SSBP2: variants seen among roughly 807,000 people sequenced by gnomAD.
The protein encoded by SSBP2 is single stranded DNA binding protein 2.
Under a neutral mutation model 61.8 loss-of-function variants are expected in SSBP2, and 17 were observed. That is an observed-to-expected ratio of 0.28 (90% CI 0.19 to 0.41). SSBP2 has a LOEUF of 0.41. Ranked by LOEUF, SSBP2 falls within the 10% of genes least tolerant of loss-of-function variation. SSBP2 has a pLI of 1.00. For synonymous variants in SSBP2, 139 were observed against 141.3 expected, an observed-to-expected ratio of 0.98 and a Z score of 0.12; for missense variants, 310 against 458.7, an observed-to-expected ratio of 0.68 and a Z score of 2.96.
At chr5:81,550,651 C>CA (rs1772103031) in intron 4 of SSBP2, among the ~76,000 whole-genome samples, 1 of 152,184 alleles carries the variant, frequency 6.6e-6, no homozygotes, top group African/African-American at 2.4e-5. Flanking sequence ...TAAATCACAA[C>CA]ATGTCAACAA....
chr5:81,488,728 A>G (rs868134080), intron 6 of SSBP2, among the ~76,000 whole-genome samples: 2 of 101,498 alleles, frequency 2.0e-5, no homozygotes, highest in East Asian at 3.2e-4. Context: ...AACAGTCCCC[A>G]GTGTGTGATG....
chr5:81,607,599 C>A (rs917964361), intron 4 of SSBP2, among the ~76,000 whole-genome samples: 2 of 152,152 alleles, frequency 1.3e-5, no homozygotes, highest in East Asian at 3.8e-4. Context: ...ATTTCCCTAC[C>A]TATTAATCTA....
intron 4 of SSBP2, among the ~76,000 whole-genome samples, chr5:81,515,693 C>CT (rs1477841269): frequency 6.8e-6 from 1 of 147,046 alleles, no homozygotes; most frequent in African/African-American, 2.5e-5. Flanking sequence ...TTTTTTTTTT[C>CT]TTTTTTAGCA....
intron 4 of SSBP2, among the ~76,000 whole-genome samples, chr5:81,541,796 A>G (rs912172934): frequency 7.9e-5 from 12 of 152,256 alleles, no homozygotes; most frequent in Admixed American, 7.2e-4. Flanking sequence ...GTTTCAATGT[A>G]AAACCTCAAA....
At chr5:81,718,206 G>A (rs940688549) in intron 1 of SSBP2, among the ~76,000 whole-genome samples, 4 of 152,022 alleles carry the variant, frequency 2.6e-5, no homozygotes, top group African/African-American at 7.2e-5. Flanking sequence ...TGTATTTTAG[G>A]AATTGACATA....
intron 4 of SSBP2, among the ~76,000 whole-genome samples, chr5:81,530,108 C>CA (rs1332581331): frequency 7.2e-5 from 11 of 151,766 alleles, no homozygotes; most frequent in Non-Finnish European, 1.3e-4. Flanking sequence ...TTATGGTTTT[C>CA]AAAAAAACAG....
At chr5:81,648,983 T>C (rs1749504820) in intron 2 of SSBP2, among the ~76,000 whole-genome samples, 1 of 152,082 alleles carries the variant, frequency 6.6e-6, no homozygotes, top group African/African-American at 2.4e-5. Context: ...ACTTCACACA[T>C]ATAGCACTTC....
At chr5:81,454,048 A>T (rs1206429890) in intron 10 of SSBP2, among the ~76,000 whole-genome samples, 3 of 152,190 alleles carry the variant, frequency 2.0e-5, no homozygotes, top group Admixed American at 2.0e-4. Context: ...ATAAACTTCC[A>T]TTCATTACCT....
At chr5:81,599,944 T>G (rs1744175524) in intron 4 of SSBP2, among the ~76,000 whole-genome samples, 1 of 152,088 alleles carries the variant, frequency 6.6e-6, no homozygotes, top group African/African-American at 2.4e-5. Context: ...TAGGGCACAT[T>G]TTATTGTAAT....
intron 10 of SSBP2, among the ~76,000 whole-genome samples, chr5:81,454,716 AAG>A (rs763968154): frequency 4.6e-5 from 7 of 151,920 alleles, no homozygotes; most frequent in East Asian, 1.9e-4. Flanking sequence ...AAAAATAAAA[AAG>A]AGAGAGAGAG....
intron 9 of SSBP2, among the ~76,000 whole-genome samples, chr5:81,461,347 G>A (rs550851787): frequency 1.3e-5 from 2 of 151,906 alleles, no homozygotes; most frequent in South Asian, 4.2e-4. Flanking sequence ...ATATTAAATG[G>A]TTATTGTTAT....
At position 81,413,183 on chromosome 5, in the gene SSBP2, T is replaced by C. The variant is rs1761199713; in HGVS notation, c.*7321A>G. On this transcript the variant is annotated 3_prime_UTR_variant, in exon 17 of 17. Transcript: ENST00000320672. Reference sequence around the variant, plus strand: ...AACGTGCCAAATTAAGGGTCATTTATGTACATCTTTATGGCAACTTATCCC... The same window carrying C: ...AACGTGCCAAATTAAGGGTCATTTACGTACATCTTTATGGCAACTTATCCC... The C allele has an allele frequency of 2.0e-5, 3 of 152,234 alleles. No homozygotes were observed. Among genetic ancestry groups the C allele is most frequent in the South Asian group, 2.1e-4 (1 of 4,834 alleles). The allele number at this position is 152,234 out of a possible 1,614,324, so 9.4% of individuals were successfully genotyped here. A position where few individuals can be genotyped will look rare whatever the true frequency, so the allele number is the denominator to read the frequency against.
At chr5:81,727,572 A>G (rs1347496069) in intron 1 of SSBP2, among the ~76,000 whole-genome samples, 3 of 152,140 alleles carry the variant, frequency 2.0e-5, no homozygotes, top group Non-Finnish European at 4.4e-5. Flanking sequence ...CTCATGCAAC[A>G]TTCTTTAAAT....
intron 1 of SSBP2, among the ~76,000 whole-genome samples, chr5:81,657,481 TAA>T (rs1342882867): frequency 1.3e-5 from 2 of 152,122 alleles, no homozygotes; most frequent in African/African-American, 2.4e-5. Flanking sequence ...TATAAGGAAA[TAA>T]GAGTAATGGC....
chr5:81,708,826 G>GA (rs752308027), intron 1 of SSBP2, among the ~76,000 whole-genome samples: 4 of 151,938 alleles, frequency 2.6e-5, no homozygotes, highest in Non-Finnish European at 5.9e-5. Flanking sequence ...AAATACAGAA[G>GA]AAACAGTAAA....
At chr5:81,542,961 TCTC>T (rs1477304164) in intron 4 of SSBP2, among the ~76,000 whole-genome samples, 1 of 151,880 alleles carries the variant, frequency 6.6e-6, no homozygotes, top group Non-Finnish European at 1.5e-5. Flanking sequence ...CTGAAGCAAT[TCTC>T]CTGCTTCAGC....
intron 4 of SSBP2, among the ~76,000 whole-genome samples, chr5:81,523,931 C>G (rs1305542492): frequency 6.6e-6 from 1 of 151,898 alleles, no homozygotes; most frequent in African/African-American, 2.4e-5. Context: ...AGTTGTAAAC[C>G]ATTATATATT....
At chr5:81,682,278 C>T (rs1254862700) in intron 1 of SSBP2, among the ~76,000 whole-genome samples, 1 of 152,258 alleles carries the variant, frequency 6.6e-6, no homozygotes, top group Admixed American at 6.5e-5. Context: ...CTCATGAACA[C>T]AGATGCAAAA....
intron 1 of SSBP2, among the ~76,000 whole-genome samples, chr5:81,728,310 A>G (rs894327141): frequency 2.0e-5 from 3 of 152,200 alleles, no homozygotes; most frequent in African/African-American, 7.2e-5. Context: ...AATACAGTGC[A>G]ATGATTTTCA....
Sources: gnomAD v4.1 joint callset for allele counts (sites outside exome capture counted in the v4.1 genomes callset) on GRCh38, gnomAD v4.1.1 for gene constraint, MANE v1.5 for transcripts, NCBI Gene and HGNC (gene_info 2026-07-23, HGNC 2026-07-21) for gene names.